RALGPS1: variants seen among roughly 807,000 people sequenced by gnomAD.
RALGPS1 encodes the protein ras-specific guanine nucleotide-releasing factor RalGPS1.
A neutral mutation model predicts 78.8 loss-of-function variants in RALGPS1; 19 were observed. That is an observed-to-expected ratio of 0.24 (90% CI 0.17 to 0.35). The LOEUF is 0.35. RALGPS1 is among the 10% of genes least tolerant of loss of function. The probability of loss-of-function intolerance (pLI) is 1.00; values close to 1 mark genes in which losing one functional copy is unlikely to be tolerated. For synonymous variants in RALGPS1, 228 were observed against 256.3 expected, an observed-to-expected ratio of 0.89 and a Z score of 1.06; for missense variants, 454 against 688.3, an observed-to-expected ratio of 0.66 and a Z score of 3.81.
chr9:127,191,098 G>A (rs1247655691), intron 11 of RALGPS1, among the ~76,000 whole-genome samples: 1 of 152,114 alleles, frequency 6.6e-6, no homozygotes, highest in Admixed American at 6.6e-5. Context: ...CTTTCTTACA[G>A]ATATTTGAAG....
chr9:127,084,468 G>C (rs2051494081), intron 8 of RALGPS1, among the ~76,000 whole-genome samples: 1 of 152,134 alleles, frequency 6.6e-6, no homozygotes, highest in South Asian at 2.1e-4. Flanking sequence ...GTCCTAGGAA[G>C]CCTGAATTTG....
chr9:126,968,002 CTTTTT>C (rs745689127), intron 3 of RALGPS1, among the ~76,000 whole-genome samples: 2 of 130,624 alleles, frequency 1.5e-5, no homozygotes, highest in Admixed American at 7.9e-5. Context: ...GAGTTCAATT[CTTTTT>C]TTTTTTTTTT....
chr9:127,146,185 G>A (rs563316189), intron 8 of RALGPS1, among the ~76,000 whole-genome samples: 49 of 152,208 alleles, frequency 3.2e-4, no homozygotes, highest in Non-Finnish European at 5.9e-4. Flanking sequence ...GGTAGGGAGC[G>A]TGCTACCTAA....
intron 8 of RALGPS1, among the ~76,000 whole-genome samples, chr9:127,102,443 C>T (rs949178520): frequency 6.6e-6 from 1 of 152,130 alleles, no homozygotes; most frequent in Admixed American, 6.5e-5. Context: ...CCACAGATGC[C>T]TGATCTCTAG....
chr9:127,088,798 T>G, intron 8 of RALGPS1: 1 of 959,556 alleles, frequency 1.0e-6, no homozygotes, highest in Non-Finnish European at 1.6e-6. Context: ...TCCGCTGCAG[T>G]GACTTCGGAA....
chr9:127,140,196 T>TAC (rs1392456536), intron 8 of RALGPS1, among the ~76,000 whole-genome samples: 1 of 152,248 alleles, frequency 6.6e-6, no homozygotes, highest in African/African-American at 2.4e-5. Context: ...CTTTTCCTTT[T>TAC]ACCACTTTTC....
rs545592786 is a variant in RALGPS1 at position 127,087,119 on chromosome 9, A to G, written c.610+17763A>G. On this transcript the variant is annotated intron_variant, in intron 8 of 18. Transcript: ENST00000259351. The stretch of plus-strand genomic sequence containing the variant: ...TATCTGGTGGAGACATCCAGGACAC[A>G]GCTGGATGTGGGGAAGTGGAGCTCC... Among the ~76,000 whole-genome samples the G allele has an allele frequency of 2.6e-5, 4 of 152,316 alleles. No individual in the cohort carries two copies. In the South Asian group the frequency reaches 8.3e-4, roughly 32 times the overall value.
chr9:127,003,532 A>G (rs1252890652), intron 4 of RALGPS1, among the ~76,000 whole-genome samples: 1 of 152,208 alleles, frequency 6.6e-6, no homozygotes, highest in Non-Finnish European at 1.5e-5. Flanking sequence ...TAGAATGGCA[A>G]TCGTTAAAAA....
intron 10 of RALGPS1, 87 bp downstream of exon 10, chr9:127,168,859 T>C (rs1337411370): frequency 9.1e-7 from 1 of 1,100,750 alleles, no homozygotes; most frequent in Non-Finnish European, 1.4e-6. Context: ...CTAGCCCTTG[T>C]TGGGACCAGT....
chr9:127,004,046 T>G (rs2043601552), intron 4 of RALGPS1, among the ~76,000 whole-genome samples: 1 of 152,234 alleles, frequency 6.6e-6, no homozygotes, highest in Admixed American at 6.5e-5. Flanking sequence ...TATAGTTACT[T>G]TATCCAATTT....
intron 4 of RALGPS1, among the ~76,000 whole-genome samples, chr9:127,034,172 G>T (rs1177139694): frequency 1.3e-5 from 2 of 152,172 alleles, no homozygotes; most frequent in Non-Finnish European, 2.9e-5. Context: ...AGTGGCAGTG[G>T]ATTTCTTTTG....
chr9:127,138,819 T>A (rs1285089227), intron 8 of RALGPS1, among the ~76,000 whole-genome samples: 3 of 152,138 alleles, frequency 2.0e-5, no homozygotes, highest in Admixed American at 1.3e-4. Context: ...TGATGTGACA[T>A]CCATTAGGAG....
chr9:127,142,547 A>G (rs2057850318), intron 8 of RALGPS1, among the ~76,000 whole-genome samples: 1 of 152,168 alleles, frequency 6.6e-6, no homozygotes, highest in Non-Finnish European at 1.5e-5. Context: ...GGTCAGATTG[A>G]GTTAGCAGGT....
At chr9:127,000,534 C>CTTTT (rs1163116649) in intron 4 of RALGPS1, among the ~76,000 whole-genome samples, 59 of 33,314 alleles carry the variant, frequency 1.8e-3, no homozygotes, top group African/African-American at 4.1e-3. Flanking sequence ...CTTGTCTTGT[C>CTTTT]TTTTTTTTTT....
intron 11 of RALGPS1, among the ~76,000 whole-genome samples, chr9:127,192,240 G>A (rs1021739364): frequency 5.3e-5 from 8 of 152,240 alleles, no homozygotes; most frequent in Non-Finnish European, 1.2e-4. Flanking sequence ...GAGTCTGGAG[G>A]CCATGATGAC....
chr9:127,013,875 T>A (rs2044583080), intron 4 of RALGPS1, among the ~76,000 whole-genome samples: 1 of 152,246 alleles, frequency 6.6e-6, no homozygotes, highest in Admixed American at 6.5e-5. Flanking sequence ...GCTCTCTGCC[T>A]GGCATGCTAG....
At chr9:127,066,478 T>C (rs973307139) in intron 7 of RALGPS1, among the ~76,000 whole-genome samples, 4 of 152,138 alleles carry the variant, frequency 2.6e-5, no homozygotes, top group Non-Finnish European at 5.9e-5. Context: ...CCGTCTCTAC[T>C]AGAAATACAA....
intron 8 of RALGPS1, among the ~76,000 whole-genome samples, chr9:127,121,108 C>G (rs1024076744): frequency 6.6e-6 from 1 of 152,164 alleles, no homozygotes; most frequent in African/African-American, 2.4e-5. Context: ...AGTTTCCTCA[C>G]CTATAAAACA....
At chr9:126,950,624 A>G (rs1324684273) in intron 1 of RALGPS1, among the ~76,000 whole-genome samples, 1 of 152,178 alleles carries the variant, frequency 6.6e-6, no homozygotes, top group Non-Finnish European at 1.5e-5. Context: ...CAACGAGAAC[A>G]AAGACACAAC....
Sources: gnomAD v4.1 joint callset for allele counts (sites outside exome capture counted in the v4.1 genomes callset) on GRCh38, gnomAD v4.1.1 for gene constraint, MANE v1.5 for transcripts, NCBI Gene and HGNC (gene_info 2026-07-23, HGNC 2026-07-21) for gene names.